The following EPM2A variants were observed in gnomAD, a reference collection of about 807,000 sequenced individuals.
The protein encoded by EPM2A is laforin.
EPM2A carries 21 observed loss-of-function variants against 26.5 expected under a neutral mutation model. The observed-to-expected ratio is 0.79, with a 90% confidence interval of 0.56 to 1.14. The LOEUF (loss-of-function observed/expected upper bound fraction) is 1.14. Ranked by LOEUF, EPM2A falls within the 50% of genes most tolerant of loss-of-function variation. The probability of loss-of-function intolerance (pLI) is 0.00; values close to 1 mark genes in which losing one functional copy is unlikely to be tolerated. For missense variants in EPM2A, 458 were observed against 440.8 expected, an observed-to-expected ratio of 1.04 and a Z score of -0.35; for synonymous variants, 217 against 177.6, an observed-to-expected ratio of 1.22 and a Z score of -1.76.
upstream of EPM2A, chr6:145,735,730 C>G (rs1003974506): frequency 2.5e-6 from 2 of 790,338 alleles, no homozygotes. Flanking sequence ...TCTTTGTGCC[C>G]CGCAACCCCG....
At chr6:145,493,261 G>A (rs570547555) in intron 4 of EPM2A, among the ~76,000 whole-genome samples, 132 of 152,230 alleles carry the variant, frequency 8.7e-4, no homozygotes, top group African/African-American at 3.1e-3. Flanking sequence ...AATTGTGATG[G>A]GATTTGTTTG....
chr6:145,515,059 G>A (rs1441254787), intron 2 of EPM2A, among the ~76,000 whole-genome samples: 4 of 152,156 alleles, frequency 2.6e-5, no homozygotes, highest in Non-Finnish European at 5.9e-5. Flanking sequence ...CCACTGAAAT[G>A]AATTGATTCC....
At chr6:145,646,126 C>T (rs1777442952) in intron 2 of EPM2A, among the ~76,000 whole-genome samples, 4 of 152,112 alleles carry the variant, frequency 2.6e-5, no homozygotes, top group Admixed American at 2.6e-4. Flanking sequence ...CCTGGCACAA[C>T]TGTTGTTTCA....
chr6:145,625,532 G>A lies in EPM2A; in HGVS notation c.*1884C>T. On this transcript the variant is annotated 3_prime_UTR_variant, in exon 4 of 4. Transcript: ENST00000367519. ...TTCTTAGACATTAAAGAAATTCACA[G>A]ACCCACATAGTTTAAAAATTTAATT... The A allele has an allele frequency of 1.7e-6, 1 of 597,120 alleles. No homozygotes were observed. 37.0% of individuals were successfully genotyped at this position (597,120 alleles called of 1,614,324 possible). A position where few individuals can be genotyped will look rare whatever the true frequency, so the allele number is the denominator to read the frequency against.
intron 2 of EPM2A, among the ~76,000 whole-genome samples, chr6:145,601,376 A>C (rs1781415014): frequency 6.6e-6 from 1 of 152,138 alleles, no homozygotes; most frequent in Admixed American, 6.5e-5. Flanking sequence ...ACTTTTCTAC[A>C]AATATAAAAA....
intron 4 of EPM2A, among the ~76,000 whole-genome samples, chr6:145,423,772 G>A (rs368438390): frequency 2.0e-5 from 3 of 152,300 alleles, no homozygotes; most frequent in African/African-American, 7.2e-5. Flanking sequence ...TGTTTGGCAA[G>A]GAAGAGCTCC....
intron 2 of EPM2A, among the ~76,000 whole-genome samples, chr6:145,660,616 A>G (rs1190044187): frequency 6.6e-6 from 1 of 152,178 alleles, no homozygotes; most frequent in East Asian, 1.9e-4. Context: ...AGCCTGGCCA[A>G]CATGATGAAA....
intron 4 of EPM2A, among the ~76,000 whole-genome samples, chr6:145,431,883 G>C (rs1205506898): frequency 6.6e-6 from 1 of 152,126 alleles, no homozygotes; most frequent in Admixed American, 6.5e-5. Context: ...TTCCAACGCT[G>C]TCTTTGCCTA....
At chr6:145,602,824 T>C (rs908521187) in intron 2 of EPM2A, among the ~76,000 whole-genome samples, 10 of 152,194 alleles carry the variant, frequency 6.6e-5, no homozygotes, top group Non-Finnish European at 1.2e-4. Context: ...TCTTAACTTA[T>C]TGAGATTGGA....
intron 1 of EPM2A, among the ~76,000 whole-genome samples, chr6:145,722,223 G>T (rs190538230): frequency 6.6e-6 from 1 of 152,296 alleles, no homozygotes; most frequent in African/African-American, 2.4e-5. Flanking sequence ...ATTTGGATTT[G>T]AATGTACTTC....
At chr6:145,395,820 T>C (rs560601735) in intron 4 of EPM2A, among the ~76,000 whole-genome samples, 4 of 152,286 alleles carry the variant, frequency 2.6e-5, no homozygotes, top group Admixed American at 2.6e-4. Flanking sequence ...TGATGAGTCT[T>C]TTATCAGAGA....
At chr6:145,568,322 CT>C (rs35034106) in intron 2 of EPM2A, among the ~76,000 whole-genome samples, 51,746 of 139,910 alleles carry the variant, frequency 0.37, 9,161 homozygotes, top group South Asian at 0.51. Flanking sequence ...GGACATCTGA[CT>C]TTTTTTTTTT....
chr6:145,612,759 T>TTATA (rs752291416), intron 2 of EPM2A, among the ~76,000 whole-genome samples: 3 of 146,780 alleles, frequency 2.0e-5, no homozygotes, highest in Admixed American at 6.8e-5. Flanking sequence ...TATATGTATT[T>TTATA]TATATATATA....
chr6:145,712,997 T>C (rs576708513), intron 1 of EPM2A, among the ~76,000 whole-genome samples: 38 of 152,328 alleles, frequency 2.5e-4, no homozygotes, highest in Non-Finnish European at 4.6e-4. Context: ...ATAGCTGCTA[T>C]CATCGTTTAA....
At position 145,634,960 on chromosome 6, in the gene EPM2A, G is replaced by A. The variant is rs142933261; in HGVS notation, c.718+285C>T. ...GACAATGCGCTCCGTGGGGGCAGAA[G>A]TTGTGCCTGTCTTTCTTTACTGCTG... is the stretch of plus-strand genomic sequence containing the variant. On this transcript the variant is annotated intron_variant, in intron 3 of 3. Transcript: ENST00000367519. 2,609 of 342,422 alleles carry A rather than the reference G, an allele frequency of 7.6e-3. 20 individuals are homozygous for A. The highest frequency in any genetic ancestry group is 0.018 in the Middle Eastern group (19 of 1,048). The allele number at this position is 342,422 out of a possible 1,614,324, so 21.2% of individuals were successfully genotyped here.
intron 2 of EPM2A, among the ~76,000 whole-genome samples, chr6:145,555,183 C>T (rs1022466609): frequency 1.3e-5 from 2 of 152,044 alleles, no homozygotes; most frequent in Non-Finnish European, 2.9e-5. Context: ...TAGTGTTTGG[C>T]ACAGTGTCTA....
chr6:145,490,018 A>G (rs1779734395), intron 4 of EPM2A: 1 of 1,348,324 alleles, frequency 7.4e-7, no homozygotes. Context: ...CGTGTTCCAC[A>G]GTCACTTGTG....
intron 4 of EPM2A, among the ~76,000 whole-genome samples, chr6:145,405,643 A>C (rs1778557383): frequency 6.6e-6 from 1 of 152,150 alleles, no homozygotes; most frequent in South Asian, 2.1e-4. Flanking sequence ...AAAAAGCAAG[A>C]ATCAGGATTA....
At chr6:145,734,174 C>A (rs1413326535) in intron 1 of EPM2A, among the ~76,000 whole-genome samples, 1 of 152,124 alleles carries the variant, frequency 6.6e-6, no homozygotes, top group Non-Finnish European at 1.5e-5. Flanking sequence ...CTACTGTTTA[C>A]GACAGAGGAA....
Sources: gnomAD v4.1 joint callset for allele counts (sites outside exome capture counted in the v4.1 genomes callset) on GRCh38, gnomAD v4.1.1 for gene constraint, MANE v1.5 for transcripts, NCBI Gene and HGNC (gene_info 2026-07-23, HGNC 2026-07-21) for gene names.